The following ABHD2 variants were observed in gnomAD, a reference collection of about 807,000 sequenced individuals.
The protein encoded by ABHD2 is abhydrolase domain containing 2, acylglycerol lipase, also known as monoacylglycerol lipase ABHD2.
Under a neutral mutation model 48.1 loss-of-function variants are expected in ABHD2, and 20 were observed. The ratio of observed to expected loss-of-function variants is 0.42; its 90% CI spans 0.29 to 0.60. The LOEUF is 0.60. Ranked by LOEUF, ABHD2 falls within the 20% of genes least tolerant of loss-of-function variation. The probability of loss-of-function intolerance (pLI) is 0.24; values close to 1 mark genes in which losing one functional copy is unlikely to be tolerated. For missense variants in ABHD2, 405 were observed against 550.9 expected (o/e 0.74, Z 2.65); for synonymous variants, 209 against 214.2 (o/e 0.98, Z 0.21).
At position 89,110,675 on chromosome 15, in the gene ABHD2, A is replaced by G. The variant is rs9672396; in HGVS notation, c.-106-3050A>G. Among the ~76,000 whole-genome samples the G allele has an allele frequency of 9.5e-3, 1,444 of 152,332 alleles. 22 individuals carry two copies. The highest frequency in any genetic ancestry group is 0.033 in the African/African-American group (1,386 of 41,582). On this transcript the variant is annotated intron_variant, in intron 1 of 10. Transcript: ENST00000352732. ...AACTCCAGGGAGTACCCCCAGGGAC[A>G]TGCAGAACTGACCTGTACCTCAGGA...
At chr15:89,046,508 C>T in the ABHD2 span, among the ~76,000 whole-genome samples, 1 of 151,786 alleles carries the variant, frequency 6.6e-6, no homozygotes, top group African/African-American at 2.4e-5. Context: ...TAGAATTTGG[C>T]TGTGAATCCA....
intron 1 of ABHD2, among the ~76,000 whole-genome samples, chr15:89,109,908 A>G (rs190683505): frequency 3.6e-4 from 55 of 152,322 alleles, no homozygotes; most frequent in Admixed American, 5.9e-4. Context: ...ACAGATGATC[A>G]AGTCTGATAT....
At chr15:89,118,328 C>T (rs938458841) in intron 3 of ABHD2, among the ~76,000 whole-genome samples, 2 of 152,126 alleles carry the variant, frequency 1.3e-5, no homozygotes, top group East Asian at 1.9e-4. Flanking sequence ...GGACTACGTG[C>T]CACCACGCCC....
At chr15:89,158,886 A>G (rs2050716974) in intron 5 of ABHD2, among the ~76,000 whole-genome samples, 1 of 151,130 alleles carries the variant, frequency 6.6e-6, no homozygotes, top group Non-Finnish European at 1.5e-5. Context: ...CTGGTCTCGA[A>G]CTCCTGAGCT....
At chr15:89,045,139 C>T in the ABHD2 span, among the ~76,000 whole-genome samples, 1 of 152,140 alleles carries the variant, frequency 6.6e-6, no homozygotes, top group Non-Finnish European at 1.5e-5. Flanking sequence ...CCCGTTTTCC[C>T]AGCACCATTT....
intron 3 of ABHD2, among the ~76,000 whole-genome samples, chr15:89,124,749 C>A (rs926277655): frequency 3.9e-5 from 6 of 151,940 alleles, no homozygotes; most frequent in Non-Finnish European, 5.9e-5. Context: ...GTCAAGAGAT[C>A]AAGACCATCC....
chr15:89,088,243 G>A (rs556786588), upstream of ABHD2: 2 of 152,484 alleles, frequency 1.3e-5, no homozygotes, highest in South Asian at 4.1e-4. The surrounding 1 kb of genome is among the most constrained non-coding windows in gnomAD (Gnocchi z 6.8). Context: ...ACCAATTGCT[G>A]AGGAGCTCTC....
Position 89,184,444 on chromosome 15 carries a change from G to A in ABHD2, c.723-980G>A, listed in dbSNP as rs2051171353. Among the ~76,000 whole-genome samples the A allele has an allele frequency of 6.6e-6, 1 of 152,208 alleles. No homozygotes were observed. Among genetic ancestry groups the A allele is most frequent in the Non-Finnish European group, 1.5e-5 (1 of 68,042 alleles). On this transcript the variant is annotated intron_variant, in intron 6 of 10. Coordinates refer to ENST00000352732, the MANE Select transcript of ABHD2 (RefSeq NM_152924.5). The surrounding 1 kb of genome is among the most constrained non-coding windows in gnomAD (Gnocchi z 5.1). ...CATTCACAGGGTGGAGTCAGGCCTG[G>A]AGATTTTGAAACGTGCAAGATAAAA...
rs148258077 is a variant in ABHD2, at chr15:89,178,308, G to C, written c.722+2313G>C. Reference sequence around the variant, plus strand: ...AGATCTATGGAATAAATGGAGCACAGTTCCTTACTTTAAACCAGTATAACC... The same window carrying C: ...AGATCTATGGAATAAATGGAGCACACTTCCTTACTTTAAACCAGTATAACC... On this transcript the variant is annotated intron_variant, in intron 6 of 10. Coordinates refer to ENST00000352732, the MANE Select transcript of ABHD2 (RefSeq NM_152924.5). Among the ~76,000 whole-genome samples the C allele has an allele frequency of 3.2e-3, 480 of 152,340 alleles. 3 individuals are homozygous for C. The highest frequency in any genetic ancestry group is 0.011 in the African/African-American group (445 of 41,590).
the ABHD2 span, among the ~76,000 whole-genome samples, chr15:89,050,042 T>A: frequency 6.6e-6 from 1 of 152,114 alleles, no homozygotes; most frequent in Non-Finnish European, 1.5e-5. Context: ...TTTTCATAGG[T>A]CTAGTCTAAG....
chr15:89,195,499 C>T lies in ABHD2; in HGVS notation c.*76C>T, dbSNP rs974679728. On this transcript the variant is annotated 3_prime_UTR_variant, in exon 11 of 11. Transcript: ENST00000352732. The surrounding 1 kb of genome is among the most constrained non-coding windows in gnomAD (Gnocchi z 5.1). ...CCCTCACCCCCTGTTTCAGGTCTCC[C>T]ATCTCCCTCAGTGACCTGGATCTGA... 4.7e-6 allele frequency: 7 copies of T among 1,483,526 alleles called. No homozygotes were observed. Among genetic ancestry groups the T allele is most frequent in the African/African-American group, 1.4e-5 (1 of 71,848 alleles). The allele number at this position is 1,483,526 out of a possible 1,614,324, so 91.9% of individuals were successfully genotyped here. A position where few individuals can be genotyped will look rare whatever the true frequency, so the allele number is the denominator to read the frequency against.
rs2051101766 is a variant in ABHD2 at position 89,181,002 on chromosome 15, CG to C, written c.723-4420del. Among the ~76,000 whole-genome samples, 4 of 151,974 alleles carry C rather than the reference CG, an allele frequency of 2.6e-5. 1 individual carries two copies. The South Asian group carries it at 8.3e-4, about 31-fold the overall frequency. On this transcript the variant is annotated intron_variant, in intron 6 of 10. Transcript: ENST00000352732. ...CAGCACTTTGGGAGGCCAAGGCACG[CG>C]GATCACAAGGTCAGGAGTTTGAGAC... is the stretch of plus-strand genomic sequence containing the variant.
chr15:89,122,746 C>T (rs2050071618), intron 3 of ABHD2, among the ~76,000 whole-genome samples: 1 of 152,224 alleles, frequency 6.6e-6, no homozygotes, highest in Non-Finnish European at 1.5e-5. Flanking sequence ...CTCTGGAAGC[C>T]TGCTATTAAA....
intron 1 of ABHD2, among the ~76,000 whole-genome samples, chr15:89,089,565 C>T (rs189134919): frequency 9.2e-5 from 14 of 152,334 alleles, no homozygotes; most frequent in Non-Finnish European, 1.3e-4. Context: ...TTGTCAGTTT[C>T]ACCTGCATTC....
chr15:89,051,465 A>G, the ABHD2 span, among the ~76,000 whole-genome samples: 1 of 152,156 alleles, frequency 6.6e-6, no homozygotes, highest in Non-Finnish European at 1.5e-5. Flanking sequence ...TAAGGATACA[A>G]TGGCTCAAGG....
intron 3 of ABHD2, among the ~76,000 whole-genome samples, chr15:89,119,341 G>GC (rs890175708): frequency 4.3e-4 from 65 of 152,050 alleles, no homozygotes; most frequent in African/African-American, 1.3e-3. Flanking sequence ...TCACTTTATT[G>GC]CCCCCCCATC....
chr15:89,070,179 A>G, the ABHD2 span: 1 of 152,206 alleles, frequency 6.6e-6, no homozygotes, highest in Admixed American at 6.5e-5. Flanking sequence ...AGGCAGAAGA[A>G]AAAGAGACAA....
rs79599401 is a variant in ABHD2, at chr15:89,090,762, C to G, written c.-107+2199C>G. Among the ~76,000 whole-genome samples, 1,076 of 152,286 alleles carry G rather than the reference C, an allele frequency of 7.1e-3. 16 individuals carry two copies. Among genetic ancestry groups the G allele is most frequent in the African/African-American group, 0.023 (967 of 41,558 alleles). On this transcript the variant is annotated intron_variant, in intron 1 of 10. Transcript: ENST00000352732. ...TGGTGTCCTTCCAAATATGTATTCC[C>G]TCTCTTCAGCCCTCCTCCCAAGCGA... is the stretch of plus-strand genomic sequence containing the variant.
intron 5 of ABHD2, among the ~76,000 whole-genome samples, chr15:89,156,268 C>T (rs2050672354): frequency 6.6e-6 from 1 of 151,746 alleles, no homozygotes; most frequent in South Asian, 2.1e-4. Flanking sequence ...CTACAGGTGC[C>T]CGCCACCACG....
Sources: gnomAD v4.1 joint callset for allele counts (sites outside exome capture counted in the v4.1 genomes callset) on GRCh38, gnomAD v4.1.1 for gene constraint, Gnocchi (gnomAD v3.1) non-coding constraint, MANE v1.5 for transcripts, NCBI Gene and HGNC (gene_info 2026-07-23, HGNC 2026-07-21) for gene names.